The following ERBB4 variants were observed in gnomAD, a reference collection of about 807,000 sequenced individuals.
The protein encoded by ERBB4 is receptor tyrosine-protein kinase erbB-4.
A neutral mutation model predicts 158.0 loss-of-function variants in ERBB4; 42 were observed. The observed-to-expected ratio is 0.27, with a 90% CI of 0.21 to 0.34. ERBB4 has a LOEUF of 0.34. Among genes scored for constraint, ERBB4 ranks in the 10% least tolerant of loss-of-function variants. The pLI is 1.00. For missense variants in ERBB4, 1,333 were observed against 1,624.1 expected (o/e 0.82, Z 3.08); for synonymous variants, 583 against 558.7 (o/e 1.04, Z -0.61).
rs193205884 is a variant in ERBB4 at position 211,857,508 on chromosome 2, T to G, written c.422-69349A>C. On this transcript the variant is annotated intron_variant, in intron 3 of 27. Coordinates refer to ENST00000342788, the MANE Select transcript of ERBB4 (RefSeq NM_005235.3). ...ATAACTTGAAAATTACTTTTTTTTT[T>G]GTCTCCTCCAGCTTTTCTTCAGCAT... Among the ~76,000 whole-genome samples, 317 of 151,464 alleles carry G rather than the reference T, an allele frequency of 2.1e-3. 8 individuals are homozygous for G. Among genetic ancestry groups the G allele is most frequent in the Admixed American group, 0.018 (268 of 15,220 alleles).
At chr2:211,797,479 A>G (rs2076406201) in intron 3 of ERBB4, among the ~76,000 whole-genome samples, 1 of 151,952 alleles carries the variant, frequency 6.6e-6, no homozygotes, top group Admixed American at 6.6e-5. Flanking sequence ...GATGACAGTA[A>G]TAATAAATAA....
chr2:212,507,571 G>A (rs948219864), intron 1 of ERBB4, among the ~76,000 whole-genome samples: 2 of 152,130 alleles, frequency 1.3e-5, no homozygotes, highest in Admixed American at 6.5e-5. Flanking sequence ...GGAAGAAGTT[G>A]ATTTCAACCC....
chr2:211,388,080 CAT>C lies in ERBB4; in HGVS notation c.3136-90_3136-89del, dbSNP rs1373961532. Reference sequence around the variant, plus strand: ...AAAAAGAAACGAAAAAGAAAAGCCACATGGGTCGTATGAACCAAAGGGGAAAA... The same window carrying C: ...AAAAAGAAACGAAAAAGAAAAGCCACGGGTCGTATGAACCAAAGGGGAAAA... On this transcript the variant is annotated intron_variant, in intron 25 of 27. Coordinates refer to ENST00000342788, the MANE Select transcript of ERBB4 (RefSeq NM_005235.3). 11 of 1,033,120 alleles carry C rather than the reference CAT, an allele frequency of 1.1e-5. No homozygotes were observed. The African/African-American group carries it at 1.1e-4, about 10-fold the overall frequency. 64.0% of individuals were successfully genotyped at this position (1,033,120 alleles called of 1,614,324 possible).
intron 1 of ERBB4, among the ~76,000 whole-genome samples, chr2:212,257,729 T>G (rs2084793424): frequency 6.6e-6 from 1 of 152,156 alleles, no homozygotes. Flanking sequence ...ATGAAGCAAG[T>G]AAACAAACTT....
intron 1 of ERBB4, among the ~76,000 whole-genome samples, chr2:212,188,233 T>TCTCTCC (rs1559691540): frequency 1.8e-4 from 3 of 16,574 alleles, no homozygotes; most frequent in African/African-American, 8.4e-4. Context: ...TCTCTCTCTC[T>TCTCTCC]CCCCCCCCCT....
intron 1 of ERBB4, among the ~76,000 whole-genome samples, chr2:212,531,482 G>A (rs1212178807): frequency 6.6e-6 from 1 of 152,088 alleles, no homozygotes; most frequent in African/African-American, 2.4e-5. Flanking sequence ...GAAAGAGGAT[G>A]GCCCAACAAA....
intron 1 of ERBB4, among the ~76,000 whole-genome samples, chr2:212,455,606 TC>T (rs1485173599): frequency 6.6e-6 from 1 of 152,094 alleles, no homozygotes; most frequent in East Asian, 1.9e-4. Flanking sequence ...CTGCTTTCCA[TC>T]ACCAAAGATG....
chr2:212,167,750 C>T (rs2081391156), intron 1 of ERBB4, among the ~76,000 whole-genome samples: 1 of 152,100 alleles, frequency 6.6e-6, no homozygotes, highest in African/African-American at 2.4e-5. Flanking sequence ...CCATGGAATA[C>T]TATGCAGCCA....
At chr2:212,492,050 CA>C (rs1449370339) in intron 1 of ERBB4, among the ~76,000 whole-genome samples, 1 of 151,316 alleles carries the variant, frequency 6.6e-6, no homozygotes, top group Non-Finnish European at 1.5e-5. Context: ...GATATTTTGC[CA>C]GGAGGATTCA....
Position 211,684,464 on chromosome 2 carries a change from AAAAAG to A in ERBB4, c.1490-5285_1490-5281del, listed in dbSNP as rs369624752. Among the ~76,000 whole-genome samples, 203 of 152,274 alleles carry A rather than the reference AAAAAG, an allele frequency of 1.3e-3. 2 individuals carry two copies. The highest frequency in any genetic ancestry group is 4.2e-3 in the African/African-American group (174 of 41,556). ...GAAACTCAATCTCAAAATAAAATAA[AAAAAG>A]AAAAGAAAAGAAAAGAAGAAAAGAA... On this transcript the variant is annotated intron_variant, in intron 12 of 27. Transcript: ENST00000342788.
chr2:211,456,068 T>C (rs554560531), intron 20 of ERBB4, among the ~76,000 whole-genome samples: 93 of 152,304 alleles, frequency 6.1e-4, no homozygotes, highest in Non-Finnish European at 9.0e-4. Context: ...ACAAACTTAT[T>C]GTGTATTGAC....
intron 1 of ERBB4, among the ~76,000 whole-genome samples, chr2:212,178,361 T>A (rs2081745264): frequency 2.0e-5 from 3 of 151,672 alleles, no homozygotes; most frequent in African/African-American, 7.3e-5. Flanking sequence ...TAGGGCAAGA[T>A]GATGATGCCC....
intron 2 of ERBB4, among the ~76,000 whole-genome samples, chr2:211,982,799 T>C (rs1395823735): frequency 6.6e-6 from 1 of 152,178 alleles, no homozygotes; most frequent in East Asian, 1.9e-4. Context: ...TTAAAATGAA[T>C]TTTTTCAGTA....
intron 20 of ERBB4, among the ~76,000 whole-genome samples, chr2:211,513,036 G>A (rs960631247): frequency 3.3e-5 from 5 of 151,860 alleles, no homozygotes; most frequent in African/African-American, 1.2e-4. Flanking sequence ...GATTGCCTAT[G>A]GTTGGAGATC....
At chr2:211,597,921 G>C (rs1238990800) in intron 19 of ERBB4, among the ~76,000 whole-genome samples, 2 of 152,066 alleles carry the variant, frequency 1.3e-5, no homozygotes, top group African/African-American at 2.4e-5. Flanking sequence ...TATTTGATAA[G>C]AGAATCTATT....
chr2:212,398,505 T>C (rs2091095790), intron 1 of ERBB4, among the ~76,000 whole-genome samples: 1 of 152,140 alleles, frequency 6.6e-6, no homozygotes, highest in South Asian at 2.1e-4. Context: ...AACATGATCA[T>C]TGTAATGTTA....
At chr2:211,926,449 G>A (rs2080023644) in intron 3 of ERBB4, among the ~76,000 whole-genome samples, 1 of 152,098 alleles carries the variant, frequency 6.6e-6, no homozygotes, top group African/African-American at 2.4e-5. Flanking sequence ...GGAGTGGTAG[G>A]TTGAATGGTA....
intron 20 of ERBB4, among the ~76,000 whole-genome samples, chr2:211,434,194 T>G (rs1488809683): frequency 6.6e-6 from 1 of 152,178 alleles, no homozygotes. Context: ...AAGAGTGATA[T>G]GTACTTTGCC....
intron 1 of ERBB4, among the ~76,000 whole-genome samples, chr2:212,215,346 T>G (rs2083065374): frequency 6.6e-6 from 1 of 151,466 alleles, no homozygotes; most frequent in Admixed American, 6.6e-5. Context: ...ATTGAAAAAT[T>G]TAGAGAAAAG....
Sources: allele counts gnomAD v4.1 joint callset (sites outside exome capture counted in the v4.1 genomes callset), GRCh38; gene constraint gnomAD v4.1.1; transcripts MANE v1.5; gene names NCBI Gene and HGNC (gene_info 2026-07-23, HGNC 2026-07-21).